SYT14: variants seen among roughly 807,000 people sequenced by gnomAD.
SYT14 encodes the protein synaptotagmin-14.
SYT14 carries 32 observed loss-of-function variants against 74.2 expected under a neutral mutation model. The observed-to-expected ratio is 0.43, with a 90% CI of 0.33 to 0.58. The LOEUF (loss-of-function observed/expected upper bound fraction) is 0.58, where lower values mean the gene tolerates loss of function less well. Among genes scored for constraint, SYT14 ranks in the 20% least tolerant of loss-of-function variants. SYT14 has a pLI of 0.05. For missense variants in SYT14, 791 were observed against 981.8 expected (o/e 0.81, Z 2.60); for synonymous variants, 298 against 337.7 (o/e 0.88, Z 1.29).
At chr1:210,015,409 A>T (rs1357002891) in intron 3 of SYT14, among the ~76,000 whole-genome samples, 3 of 152,190 alleles carry the variant, frequency 2.0e-5, no homozygotes, top group Non-Finnish European at 4.4e-5. Context: ...AGGAATAATA[A>T]TATTTACCTC....
intron 2 of SYT14, among the ~76,000 whole-genome samples, chr1:209,981,450 C>CTTTTTTTTTTTTTTTTTTT (rs1183885685): frequency 2.8e-4 from 28 of 99,084 alleles, no homozygotes; most frequent in Non-Finnish European, 3.4e-4. Flanking sequence ...TTTTTCTTTT[C>CTTTTTTTTTTTTTTTTTTT]TTTTTTTTTT....
At chr1:209,938,238 G>C in exon 1 of SYT14, 1 of 1,543,478 alleles carries the variant, frequency 6.5e-7, no homozygotes, top group South Asian at 1.2e-5. Context: ...CCGCCATCCA[G>C]TTGGTGCGGT....
intron 5 of SYT14, among the ~76,000 whole-genome samples, chr1:210,072,425 G>T (rs1004469038): frequency 6.6e-6 from 1 of 151,920 alleles, no homozygotes; most frequent in Non-Finnish European, 1.5e-5. Context: ...AGCTGGAGAG[G>T]ATGCAGTGAA....
chr1:210,043,767 A>G (rs1433248857), intron 5 of SYT14, among the ~76,000 whole-genome samples: 6 of 152,190 alleles, frequency 3.9e-5, no homozygotes, highest in African/African-American at 1.4e-4. Flanking sequence ...TTGGAAGTTC[A>G]CTGTGAGTCT....
intron 2 of SYT14, among the ~76,000 whole-genome samples, chr1:209,969,622 G>T (rs1237165181): frequency 1.3e-5 from 2 of 151,616 alleles, no homozygotes; most frequent in African/African-American, 4.8e-5. Context: ...CAAGTAGCTG[G>T]GACTACAGGC....
At chr1:209,964,351 G>T (rs781670581) in intron 2 of SYT14, among the ~76,000 whole-genome samples, 18 of 152,070 alleles carry the variant, frequency 1.2e-4, no homozygotes, top group Non-Finnish European at 2.4e-4. Flanking sequence ...TCCAGTCTTG[G>T]GCAGTTCTTT....
chr1:210,126,203 A>C (rs948256513), intron 7 of SYT14, among the ~76,000 whole-genome samples: 1 of 151,856 alleles, frequency 6.6e-6, no homozygotes, highest in Non-Finnish European at 1.5e-5. Flanking sequence ...CTCCGTCTCA[A>C]GAAAAAAAAA....
chr1:210,131,514 G>T (rs546903381), intron 7 of SYT14, among the ~76,000 whole-genome samples: 20 of 151,396 alleles, frequency 1.3e-4, no homozygotes, highest in African/African-American at 4.6e-4. Context: ...CAAGACTTAT[G>T]GAAAATTATC....
At chr1:210,047,116 C>T (rs2080899531) in intron 5 of SYT14, among the ~76,000 whole-genome samples, 1 of 151,862 alleles carries the variant, frequency 6.6e-6, no homozygotes, top group Non-Finnish European at 1.5e-5. Context: ...TAACTTAGAT[C>T]CACCATTATA....
At chr1:210,163,747 G>A (rs765056669) in exon 10 of SYT14, 1 of 448,660 alleles carries the variant, frequency 2.2e-6, no homozygotes, top group South Asian at 1.6e-5. Flanking sequence ...GATTAAATAA[G>A]GCTCAGGGGA....
chr1:210,066,903 T>C (rs1038210140), intron 5 of SYT14, among the ~76,000 whole-genome samples: 5 of 152,060 alleles, frequency 3.3e-5, no homozygotes. Flanking sequence ...AAAACCAGTG[T>C]CATAAAAAAT....
chr1:209,949,033 G>A (rs1321634105), intron 1 of SYT14, among the ~76,000 whole-genome samples: 2 of 152,028 alleles, frequency 1.3e-5, no homozygotes, highest in South Asian at 2.1e-4. Flanking sequence ...TCTAAGTCAA[G>A]GTATGTCTGC....
At chr1:210,028,353 GCACC>G (rs779636199) in intron 5 of SYT14, among the ~76,000 whole-genome samples, 14 of 151,682 alleles carry the variant, frequency 9.2e-5, no homozygotes, top group Non-Finnish European at 1.9e-4. Context: ...CTATTGTTGT[GCACC>G]ATCACCACTA....
At chr1:209,992,680 C>G (rs139639569) in intron 2 of SYT14, among the ~76,000 whole-genome samples, 1 of 151,894 alleles carries the variant, frequency 6.6e-6, no homozygotes, top group African/African-American at 2.4e-5. Context: ...TTATAAAAAA[C>G]AAATAAATAA....
intron 2 of SYT14, among the ~76,000 whole-genome samples, chr1:209,969,815 A>G (rs959299329): frequency 3.9e-5 from 6 of 152,086 alleles, no homozygotes; most frequent in Admixed American, 3.9e-4. Flanking sequence ...TCTGATGATT[A>G]GTGATATTGA....
At chr1:209,966,063 G>T in intron 2 of SYT14, 1 of 386,978 alleles carries the variant, frequency 2.6e-6, no homozygotes, top group Non-Finnish European at 5.1e-6. Flanking sequence ...GTAGAGACGG[G>T]GTTTCACCAT....
chr1:209,952,640 G>C (rs898354722), intron 1 of SYT14, 69 bp from the exon 2 acceptor site: 1 of 1,368,972 alleles, frequency 7.3e-7, no homozygotes, highest in South Asian at 1.2e-5. Context: ...AATTTAAAAT[G>C]ATTCTTTGTA....
At chr1:210,079,323 TTATATAAC>T (rs1040679671) in intron 5 of SYT14, among the ~76,000 whole-genome samples, 2 of 152,138 alleles carry the variant, frequency 1.3e-5, no homozygotes, top group African/African-American at 4.8e-5. Flanking sequence ...AATATAACAA[TTATATAAC>T]TATAATTGTT....
chr1:209,938,273 T>C (rs1216151717), exon 1 of SYT14: 2 of 1,561,408 alleles, frequency 1.3e-6, no homozygotes, highest in Admixed American at 1.8e-5. Context: ...TCATGGCGAT[T>C]GAAGGTAAGT....
Sources: allele counts gnomAD v4.1 joint callset (sites outside exome capture counted in the v4.1 genomes callset), GRCh38; gene constraint gnomAD v4.1.1; transcripts MANE v1.5; gene names NCBI Gene and HGNC (gene_info 2026-07-23, HGNC 2026-07-21).